DSG2: variants seen among roughly 807,000 people sequenced by gnomAD.
DSG2 encodes the protein desmoglein-2.
A neutral mutation model predicts 75.6 loss-of-function variants in DSG2; 45 were observed. That is an observed-to-expected ratio of 0.60 (90% confidence interval 0.47 to 0.76). The LOEUF is 0.76. DSG2 is among the 30% of genes least tolerant of loss of function. The probability of loss-of-function intolerance (pLI) is 0.00; values close to 1 mark genes in which losing one functional copy is unlikely to be tolerated. For synonymous variants in DSG2, 429 were observed against 483.9 expected, an observed-to-expected ratio of 0.89 and a Z score of 1.49; for missense variants, 1,267 against 1,357.4, an observed-to-expected ratio of 0.93 and a Z score of 1.05.
intron 1 of DSG2, among the ~76,000 whole-genome samples, chr18:31,510,818 C>T (rs2073062558): frequency 6.6e-6 from 1 of 152,166 alleles, no homozygotes; most frequent in Admixed American, 6.5e-5. Flanking sequence ...CCTCGTCAGT[C>T]TTAAAGTCAT....
At chr18:31,541,867 C>T (rs1028709083) in intron 13 of DSG2, among the ~76,000 whole-genome samples, 20 of 152,168 alleles carry the variant, frequency 1.3e-4, no homozygotes, top group African/African-American at 4.8e-4. Flanking sequence ...TGGCTTAATC[C>T]TAAAATGGGC....
intron 1 of DSG2, among the ~76,000 whole-genome samples, chr18:31,505,046 A>G (rs572917102): frequency 1.3e-5 from 2 of 152,270 alleles, no homozygotes; most frequent in African/African-American, 4.8e-5. Flanking sequence ...CTGCCAAAAA[A>G]TCTTCAGAAT....
In DSG2 at chr18:31,546,414, G is replaced by T; in HGVS notation, c.3028G>T (p.Asp1010Tyr). Residue 1010 changes from aspartate to tyrosine, a missense_variant, in exon 15 of 15, where the codon GAT becomes TAT. By Grantham distance (160) the Asp-to-Tyr change is radical. Coordinates refer to ENST00000261590, the MANE Select transcript of DSG2 (RefSeq NM_001943.5). Reference sequence around the variant, plus strand: ...TCTGGAAGGCACTCAGCATCTTCAAGATGTACCTTACGTCATGGTGAGGGA... The same window carrying T: ...TCTGGAAGGCACTCAGCATCTTCAATATGTACCTTACGTCATGGTGAGGGA... ...NPLEGTQHLQDVPYVMVRERE... is the reference protein window; with the variant it reads ...NPLEGTQHLQYVPYVMVRERE... 6.2e-7 allele frequency: 1 copy of T among 1,614,210 alleles called. No homozygotes were observed. Among genetic ancestry groups the T allele is most frequent in the Non-Finnish European group, 8.5e-7 (1 of 1,180,024 alleles).
chr18:31,531,508 G>C (rs1329581677), intron 9 of DSG2, among the ~76,000 whole-genome samples: 1 of 152,218 alleles, frequency 6.6e-6, no homozygotes, highest in Non-Finnish European at 1.5e-5. Context: ...GTTCTGGCTA[G>C]AGATGGCTAA....
chr18:31,519,112 A>G (rs1013985438), intron 2 of DSG2, among the ~76,000 whole-genome samples: 1 of 152,218 alleles, frequency 6.6e-6, no homozygotes, highest in Admixed American at 6.5e-5. Flanking sequence ...ACAAACCACC[A>G]CAGAAAAATG....
intron 1 of DSG2, among the ~76,000 whole-genome samples, chr18:31,508,956 G>T (rs2073052984): frequency 6.6e-6 from 1 of 152,106 alleles, no homozygotes; most frequent in Non-Finnish European, 1.5e-5. Flanking sequence ...TCTAAGGCGG[G>T]ACTCAGTAAT....
rs924943447 is a variant in DSG2 at position 31,546,723 on chromosome 18, G to C, written c.3337G>C (p.Val1113Leu). The C allele has an allele frequency of 6.2e-7, 1 of 1,614,040 alleles. No individual in the cohort carries two copies. Among genetic ancestry groups the C allele is most frequent in the Non-Finnish European group, 8.5e-7 (1 of 1,180,020 alleles). ...CACCAGAGTTACCAAGCATAGCACT[G>C]TACAGCATTCTTACTCCTAAACAGC... ...SSTRVTKHST[V>L]QHSYS Residue 1113 changes from valine to leucine, a missense_variant, in exon 15 of 15, where the codon GTA becomes CTA. Val to Leu is a conservative substitution (Grantham distance 32, BLOSUM62 1). Coordinates refer to ENST00000261590, the MANE Select transcript of DSG2 (RefSeq NM_001943.5).
At position 31,546,481 on chromosome 18, in the gene DSG2, C is replaced by T. The variant is rs775546937; in HGVS notation, c.3095C>T (p.Thr1032Ile). The change falls in exon 15 of 15, where the codon ACT (threonine) becomes ATT (isoleucine). Residue 1032 changes from threonine to isoleucine, a missense_variant. Coordinates refer to ENST00000261590, the MANE Select transcript of DSG2 (RefSeq NM_001943.5). The stretch of plus-strand genomic sequence containing the variant: ...GCCCCCAGCTCAGGTGTGCAGCCTA[C>T]TCTGGCCATGCCTAATATAGCAGTA... ...FLAPSSGVQP[T>I]LAMPNIAVGQ... is the part of the protein sequence containing the mutation. 34 of 1,614,186 alleles carry T rather than the reference C, an allele frequency of 2.1e-5. No homozygotes were observed. The South Asian group carries it at 3.7e-4, about 18-fold the overall frequency.
At chr18:31,526,772 C>T (rs1482331637) in intron 8 of DSG2, among the ~76,000 whole-genome samples, 1 of 152,084 alleles carries the variant, frequency 6.6e-6, no homozygotes, top group Non-Finnish European at 1.5e-5. Flanking sequence ...GTTAAATTAT[C>T]ATGGAGCTGA....
intron 1 of DSG2, among the ~76,000 whole-genome samples, chr18:31,513,437 T>C (rs1255622360): frequency 2.0e-5 from 3 of 152,304 alleles, no homozygotes; most frequent in African/African-American, 7.2e-5. Flanking sequence ...AAAATTCTCT[T>C]ACACATTTAT....
Position 31,524,723 on chromosome 18 carries a change from AAATC to A in DSG2, c.852_855del (p.Asn284LysfsTer4), listed in dbSNP as rs1165139589. 5 of 1,614,210 alleles carry A rather than the reference AAATC, an allele frequency of 3.1e-6. No individual in the cohort carries two copies. Among genetic ancestry groups the A allele is most frequent in the Non-Finnish European group, 4.2e-6 (5 of 1,180,026 alleles). Reference sequence around the variant, plus strand: ...TGCAGCTTGAAGGGATGGTTGAAGAAAATCAAGTCAACGTAGAAGTTACGCGCAT... The same window carrying A: ...TGCAGCTTGAAGGGATGGTTGAAGAAAAGTCAACGTAGAAGTTACGCGCAT... On this transcript the variant is annotated frameshift_variant, in exon 8 of 15. Coordinates refer to ENST00000261590, the MANE Select transcript of DSG2 (RefSeq NM_001943.5). LOFTEE classifies it high-confidence loss of function.
intron 12 of DSG2, among the ~76,000 whole-genome samples, chr18:31,540,232 G>A (rs2073257549): frequency 1.3e-5 from 2 of 152,176 alleles, no homozygotes; most frequent in African/African-American, 4.8e-5. Flanking sequence ...AGTCCCTGGT[G>A]TCAAAAAGGT....
chr18:31,517,830 C>T (rs1339540203), intron 1 of DSG2, among the ~76,000 whole-genome samples: 1 of 151,894 alleles, frequency 6.6e-6, no homozygotes, highest in Non-Finnish European at 1.5e-5. Flanking sequence ...ATAATGCACA[C>T]ACATCCATAG....
rs542079618 is a variant in DSG2, at chr18:31,531,088, C to T, written c.1116C>T (p.Pro372=). Residue 372 remains proline (P), a synonymous_variant, in exon 9 of 15, where the codon CCC becomes CCT. Transcript: ENST00000261590. Reference sequence around the variant, plus strand: ...TTAGGAGTAAATACAAGCCTACACCCATTCCCATCAAGGTCAAAGTGAAAA... The same window carrying T: ...TTAGGAGTAAATACAAGCCTACACCTATTCCCATCAAGGTCAAAGTGAAAA... The part of the protein sequence containing the change: ...KSIRSKYKPT[P]IPIKVKVKNV... 3.7e-6 allele frequency: 6 copies of T among 1,614,122 alleles called. No individual in the cohort carries two copies. The South Asian group carries it at 6.6e-5, about 18-fold the overall frequency.
chr18:31,527,990 TGA>T (rs1304560558), intron 8 of DSG2, among the ~76,000 whole-genome samples: 1 of 152,156 alleles, frequency 6.6e-6, no homozygotes, highest in Non-Finnish European at 1.5e-5. Context: ...ATCATCACTT[TGA>T]GAGTCAGGAT....
At position 31,536,392 on chromosome 18, in the gene DSG2, T is replaced by C. The variant is rs2073231203; in HGVS notation, c.1614T>C (p.Pro538=). The C allele has an allele frequency of 6.2e-7, 1 of 1,613,994 alleles. No homozygotes were observed. Residue 538 remains proline, a synonymous_variant, in exon 11 of 15, where the codon CCT becomes CCC. Transcript: ENST00000261590. The part of the protein sequence containing the change: ...PFSFSVIDKP[P]GMAEKWKIAR... ...GTTTCTCCGTCATTGACAAACCACC[T>C]GGCATGGCAGAAAAATGGAAAATAG... is the stretch of plus-strand genomic sequence containing the variant.
At chr18:31,514,654 C>T (rs2073084358) in intron 1 of DSG2, among the ~76,000 whole-genome samples, 1 of 152,144 alleles carries the variant, frequency 6.6e-6, no homozygotes, top group Non-Finnish European at 1.5e-5. Context: ...TCATCTGAAA[C>T]CTTGTTAGAA....
At chr18:31,520,750 C>A in intron 3 of DSG2, 53 bp from the exon 4 acceptor site, 1 of 1,578,776 alleles carries the variant, frequency 6.3e-7, no homozygotes, top group Non-Finnish European at 8.7e-7. Flanking sequence ...AAGATCAAAT[C>A]TAGTAAATTA....
rs775464463 is a variant in DSG2 at position 31,524,577 on chromosome 18, A to T, written c.820A>T (p.Asn274Tyr). 6.2e-7 allele frequency: 1 copy of T among 1,613,956 alleles called. No homozygotes were observed. The highest frequency in any genetic ancestry group is 8.5e-7 in the Non-Finnish European group (1 of 1,179,858). ...CAATGACAATATACCTGTAGTAGAA[A>T]ATAAAGTGGTAACTATTATTCTTCT... ...DVNDNIPVVE[N>Y]KVLEGMVEEN... The change falls in exon 7 of 15, where the codon AAT becomes TAT. Residue 274 changes from asparagine (N) to tyrosine (Y), a missense_variant. Coordinates refer to ENST00000261590, the MANE Select transcript of DSG2 (RefSeq NM_001943.5).
Sources: gnomAD v4.1 joint callset for allele counts (sites outside exome capture counted in the v4.1 genomes callset) on GRCh38, gnomAD v4.1.1 for gene constraint, MANE v1.5 for transcripts, NCBI Gene and HGNC (gene_info 2026-07-23, HGNC 2026-07-21) for gene names.